CADPS: variants seen among roughly 807,000 people sequenced by gnomAD.
CADPS encodes calcium-dependent secretion activator 1.
A neutral mutation model predicts 167.3 loss-of-function variants in CADPS; 57 were observed. That is an observed-to-expected ratio of 0.34 (90% CI 0.28 to 0.42). The LOEUF is 0.42. Among genes scored for constraint, CADPS ranks in the 20% least tolerant of loss-of-function variants. CADPS has a pLI of 1.00. For missense variants in CADPS, 1,414 were observed against 1,738.1 expected (o/e 0.81, Z 3.32); for synonymous variants, 676 against 635.3 (o/e 1.06, Z -0.96).
chr3:62,510,154 C>T (rs891186570), intron 17 of CADPS, among the ~76,000 whole-genome samples: 4 of 151,882 alleles, frequency 2.6e-5, no homozygotes, highest in African/African-American at 9.7e-5. Context: ...CTTTCCTCTC[C>T]TCTCTCCTCT....
intron 26 of CADPS, among the ~76,000 whole-genome samples, chr3:62,449,801 G>C (rs897824976): frequency 1.3e-5 from 1 of 79,754 alleles, no homozygotes; most frequent in Non-Finnish European, 3.7e-5. Flanking sequence ...TTAAAAGAGT[G>C]TGTGTGTGTG....
At chr3:62,763,648 G>C (rs183987428) in intron 2 of CADPS, among the ~76,000 whole-genome samples, 1 of 152,226 alleles carries the variant, frequency 6.6e-6, no homozygotes, top group Admixed American at 6.5e-5. Flanking sequence ...GAAGGGGAAA[G>C]GAGAAAGGAA....
chr3:62,665,742 G>A (rs2074284085), intron 3 of CADPS, among the ~76,000 whole-genome samples: 2 of 152,120 alleles, frequency 1.3e-5, no homozygotes, highest in African/African-American at 4.8e-5. Context: ...AATAGCAATG[G>A]GTGTGTCCTT....
chr3:62,855,057 TG>T (rs955539161), intron 1 of CADPS, among the ~76,000 whole-genome samples: 4 of 148,058 alleles, frequency 2.7e-5, no homozygotes, highest in Non-Finnish European at 6.0e-5. Context: ...CCCCAGTAGC[TG>T]GGACTACAGG....
intron 6 of CADPS, among the ~76,000 whole-genome samples, chr3:62,599,748 C>CAATATATATAATA (rs2059542281): frequency 5.8e-5 from 1 of 17,372 alleles, no homozygotes; most frequent in Non-Finnish European, 9.9e-5. Context: ...TATATATAAT[C>CAATATATATAATA]TATTATATAT....
intron 26 of CADPS, among the ~76,000 whole-genome samples, chr3:62,448,879 G>T (rs760007767): frequency 6.6e-6 from 1 of 152,154 alleles, no homozygotes; most frequent in Non-Finnish European, 1.5e-5. Flanking sequence ...CTCCCAAACT[G>T]CTGGGATTAC....
chr3:62,675,549 TCTC>T (rs1468371914), intron 3 of CADPS, among the ~76,000 whole-genome samples: 2 of 152,058 alleles, frequency 1.3e-5, no homozygotes, highest in Non-Finnish European at 2.9e-5. Flanking sequence ...AAAGTAGTAA[TCTC>T]CTCTGAGAGA....
At chr3:62,416,871 T>A (rs1354429308) in intron 28 of CADPS, among the ~76,000 whole-genome samples, 1 of 124,450 alleles carries the variant, frequency 8.0e-6, no homozygotes, top group East Asian at 2.2e-4. Context: ...TTAATATACT[T>A]TTTTTTTTTT....
intron 1 of CADPS, among the ~76,000 whole-genome samples, chr3:62,825,006 C>T (rs1331212953): frequency 6.6e-6 from 1 of 152,110 alleles, no homozygotes; most frequent in Non-Finnish European, 1.5e-5. Flanking sequence ...AGCCCCTAAC[C>T]CTAAATTTGC....
At position 62,601,847 on chromosome 3, in the gene CADPS, G is replaced by T. The variant is rs2149091027; in HGVS notation, c.1326-9099C>A. Among the ~76,000 whole-genome samples, 1 of 152,260 alleles carries T rather than the reference G, an allele frequency of 6.6e-6. No individual in the cohort carries two copies. Among genetic ancestry groups the T allele is most frequent in the Non-Finnish European group, 1.5e-5 (1 of 68,014 alleles). On this transcript the variant is annotated intron_variant, in intron 6 of 29. Coordinates refer to ENST00000383710, the MANE Select transcript of CADPS (RefSeq NM_003716.4). The surrounding 1 kb of genome is among the most constrained non-coding windows in gnomAD (Gnocchi z 4.3). ...CCACCACTTTGAAAGTGAACACTTT[G>T]ATCTGGGGGAGAAAATGAGGGAGAA... is the stretch of plus-strand genomic sequence containing the variant.
chr3:62,550,754 T>A, intron 10 of CADPS: 1 of 455,486 alleles, frequency 2.2e-6, no homozygotes, highest in Non-Finnish European at 4.4e-6. Flanking sequence ...TTGTCCAGGT[T>A]TCAGTGGACA....
chr3:62,527,965 G>A (rs952103033), intron 13 of CADPS, among the ~76,000 whole-genome samples: 1 of 152,106 alleles, frequency 6.6e-6, no homozygotes, highest in African/African-American at 2.4e-5. Context: ...CAATCCCAAA[G>A]GCAATTAATT....
chr3:62,854,219 A>T (rs1177122028), intron 1 of CADPS, among the ~76,000 whole-genome samples: 1 of 152,150 alleles, frequency 6.6e-6, no homozygotes, highest in Non-Finnish European at 1.5e-5. Flanking sequence ...ATTAAGAGAG[A>T]ATTTGTGTGG....
chr3:62,856,481 T>G, intron 1 of CADPS, among the ~76,000 whole-genome samples: 1 of 152,014 alleles, frequency 6.6e-6, no homozygotes, highest in East Asian at 1.9e-4. Flanking sequence ...ATTTTAAAAC[T>G]GATAAAATCA....
intron 1 of CADPS, among the ~76,000 whole-genome samples, chr3:62,820,796 T>TTG (rs1290488718): frequency 1.8e-3 from 23 of 12,908 alleles, no homozygotes; most frequent in South Asian, 0.013. Flanking sequence ...TTTTTTTTGG[T>TTG]TTTTTTTTTT....
intron 1 of CADPS, among the ~76,000 whole-genome samples, chr3:62,871,694 T>A (rs1443599365): frequency 1.3e-5 from 2 of 152,134 alleles, no homozygotes; most frequent in Non-Finnish European, 2.9e-5. Flanking sequence ...AAAAAATGAT[T>A]TAAGAACAGA....
chr3:62,853,827 G>A (rs1419729600), intron 1 of CADPS, among the ~76,000 whole-genome samples: 5 of 151,850 alleles, frequency 3.3e-5, no homozygotes, highest in Admixed American at 6.6e-5. Context: ...GTGGTGGTGC[G>A]TGCCTGTATT....
chr3:62,529,741 T>A (rs1270295805), intron 13 of CADPS, among the ~76,000 whole-genome samples: 1 of 152,182 alleles, frequency 6.6e-6, no homozygotes, highest in Admixed American at 6.5e-5. Flanking sequence ...TTGGCCTGTC[T>A]ACAAGTGAAC....
chr3:62,746,313 G>T lies in CADPS; in HGVS notation c.888+7128C>A, dbSNP rs561951007. On this transcript the variant is annotated intron_variant, in intron 3 of 29. Coordinates refer to ENST00000383710, the MANE Select transcript of CADPS (RefSeq NM_003716.4). Reference sequence around the variant, plus strand: ...ATCTAAAGGGAGACTAACTTCATGGGCCAGACTTAATCAGGCAATCCATTG... The same window carrying T: ...ATCTAAAGGGAGACTAACTTCATGGTCCAGACTTAATCAGGCAATCCATTG... Among the ~76,000 whole-genome samples the T allele has an allele frequency of 2.6e-5, 4 of 152,100 alleles. No homozygotes were observed. In the East Asian group the frequency reaches 7.7e-4, roughly 29 times the overall value.
Sources: allele counts gnomAD v4.1 joint callset (sites outside exome capture counted in the v4.1 genomes callset), GRCh38; gene constraint gnomAD v4.1.1; non-coding constraint Gnocchi (gnomAD v3.1); transcripts MANE v1.5; gene names NCBI Gene and HGNC (gene_info 2026-07-23, HGNC 2026-07-21).